The following MOXD1 variants were observed in gnomAD, a reference collection of about 807,000 sequenced individuals.
MOXD1 encodes the protein monooxygenase DBH like 1.
A neutral mutation model predicts 66.6 loss-of-function variants in MOXD1; 62 were observed. That is an observed-to-expected ratio of 0.93 (90% CI 0.76 to 1.15). The LOEUF is 1.15. Ranked by LOEUF, MOXD1 falls within the 50% of genes most tolerant of loss-of-function variation. The pLI is 0.00. For missense variants in MOXD1, 847 were observed against 754.6 expected, an observed-to-expected ratio of 1.12 and a Z score of -1.44; for synonymous variants, 303 against 281.9, an observed-to-expected ratio of 1.07 and a Z score of -0.75.
chr6:132,395,937 A>G (rs1776859435), intron 1 of MOXD1, among the ~76,000 whole-genome samples: 1 of 152,204 alleles, frequency 6.6e-6, no homozygotes, highest in South Asian at 2.1e-4. Context: ...ACTCCAACAC[A>G]GTAATAGGAA....
chr6:132,308,477 T>C (rs937459830), intron 10 of MOXD1, among the ~76,000 whole-genome samples: 2 of 152,068 alleles, frequency 1.3e-5, no homozygotes, highest in Non-Finnish European at 2.9e-5. Flanking sequence ...CTGAAACTAT[T>C]CCAAATAATT....
At chr6:132,303,819 G>A (rs887617041) in intron 10 of MOXD1, among the ~76,000 whole-genome samples, 3 of 91,058 alleles carry the variant, frequency 3.3e-5, no homozygotes, top group Non-Finnish European at 6.2e-5. Context: ...GTGTGTGTGT[G>A]TGTGTGTGTG....
At chr6:132,397,470 TGA>T (rs1484743509) in intron 1 of MOXD1, among the ~76,000 whole-genome samples, 1 of 152,158 alleles carries the variant, frequency 6.6e-6, no homozygotes, top group Non-Finnish European at 1.5e-5. Flanking sequence ...ACTTTCTCTC[TGA>T]GTCCCAGATT....
intron 1 of MOXD1, among the ~76,000 whole-genome samples, chr6:132,400,313 TGTAC>T (rs1776992853): frequency 6.6e-6 from 1 of 152,174 alleles, no homozygotes; most frequent in Non-Finnish European, 1.5e-5. Context: ...TAACAAAGCG[TGTAC>T]GTTCACCGCC....
intron 4 of MOXD1, among the ~76,000 whole-genome samples, chr6:132,367,607 A>T (rs978585393): frequency 6.6e-6 from 1 of 152,082 alleles, no homozygotes; most frequent in Non-Finnish European, 1.5e-5. Context: ...GGAGTTTTCA[A>T]TGAAAAGTCA....
chr6:132,377,257 T>A (rs190868907), intron 1 of MOXD1, among the ~76,000 whole-genome samples: 196 of 152,358 alleles, frequency 1.3e-3, no homozygotes, highest in Middle Eastern at 6.8e-3. Context: ...GATTTTCCCA[T>A]TTTTCATCAC....
At chr6:132,322,137 C>A (rs928986629) in intron 8 of MOXD1, among the ~76,000 whole-genome samples, 3 of 152,108 alleles carry the variant, frequency 2.0e-5, no homozygotes, top group East Asian at 1.9e-4. Context: ...GCATTATAAC[C>A]TTTTTAAAGC....
At chr6:132,396,684 A>C (rs1677375569) in intron 1 of MOXD1, among the ~76,000 whole-genome samples, 1 of 152,160 alleles carries the variant, frequency 6.6e-6, no homozygotes, top group Admixed American at 6.5e-5. Flanking sequence ...AAATGAAAAA[A>C]TAGACAAGTA....
At position 132,324,070 on chromosome 6, in the gene MOXD1, A is replaced by C. The variant is rs1775137697; in HGVS notation, c.974T>G (p.Leu325Ter). Residue 325 changes from leucine to a stop codon, truncating the protein, a stop_gained, in exon 7 of 12, where the codon TTA (leucine) becomes TGA (stop). Transcript: ENST00000367963. LOFTEE classifies it high-confidence loss of function. ...EGLIDNSGLRLFYTMDIRKYD... is the reference protein window; with the variant it reads ...EGLIDNSGLR ...TTTCCTTATATCCATTGTGTAAAAT[A>C]ACCTCAGTCCAGAATTATCTATTAA... The C allele has an allele frequency of 6.2e-7, 1 of 1,613,642 alleles. No individual in the cohort carries two copies. The highest frequency in any genetic ancestry group is 1.1e-5 in the South Asian group (1 of 91,024).
intron 4 of MOXD1, among the ~76,000 whole-genome samples, chr6:132,356,444 A>G (rs1775911748): frequency 6.6e-6 from 1 of 152,234 alleles, no homozygotes; most frequent in African/African-American, 2.4e-5. Flanking sequence ...CTAGTGTGTG[A>G]ATTTTATAAA....
chr6:132,303,702 T>TACACACACACAC (rs1392220169), intron 10 of MOXD1, among the ~76,000 whole-genome samples: 6 of 72,192 alleles, frequency 8.3e-5, no homozygotes, highest in Non-Finnish European at 1.2e-4. Flanking sequence ...GGGCTGACTG[T>TACACACACACAC]ATACATACAC....
At chr6:132,333,163 C>T (rs7741163) in intron 4 of MOXD1, among the ~76,000 whole-genome samples, 66,255 of 151,556 alleles carry the variant, frequency 0.44, 20,064 homozygotes, top group African/African-American at 0.84. Flanking sequence ...GGTGAAACCC[C>T]GTCTCTACTA....
At chr6:132,356,243 A>G (rs370469774) in intron 4 of MOXD1, among the ~76,000 whole-genome samples, 6 of 152,332 alleles carry the variant, frequency 3.9e-5, no homozygotes, top group Admixed American at 3.3e-4. Context: ...ATGTTTTAAA[A>G]AGAAATCGGT....
At chr6:132,377,723 G>A (rs1022592241) in intron 1 of MOXD1, among the ~76,000 whole-genome samples, 1 of 152,176 alleles carries the variant, frequency 6.6e-6, no homozygotes, top group African/African-American at 2.4e-5. Context: ...AGAAGCAGTT[G>A]TCTAAAAGAA....
intron 4 of MOXD1, among the ~76,000 whole-genome samples, chr6:132,358,767 A>G (rs1417141313): frequency 6.6e-6 from 1 of 152,214 alleles, no homozygotes; most frequent in Admixed American, 6.5e-5. Flanking sequence ...AGGTAATTTT[A>G]TAAAGACTAT....
chr6:132,309,212 C>G (rs1241865915), intron 10 of MOXD1, among the ~76,000 whole-genome samples: 1 of 152,086 alleles, frequency 6.6e-6, no homozygotes, highest in South Asian at 2.1e-4. Flanking sequence ...CACAAGCATT[C>G]CTTTACACCA....
chr6:132,353,289 T>C (rs560344024), intron 4 of MOXD1, among the ~76,000 whole-genome samples: 17 of 152,306 alleles, frequency 1.1e-4, no homozygotes, highest in African/African-American at 4.1e-4. Context: ...AGGTTCTGTT[T>C]TGATGTGTTT....
At chr6:132,336,893 G>T (rs1255921577) in intron 4 of MOXD1, among the ~76,000 whole-genome samples, 1 of 152,144 alleles carries the variant, frequency 6.6e-6, no homozygotes, top group Non-Finnish European at 1.5e-5. Context: ...AGGGAAGGGT[G>T]CCCAGCCTAT....
chr6:132,343,505 G>A (rs1418180278), intron 4 of MOXD1, among the ~76,000 whole-genome samples: 19 of 152,124 alleles, frequency 1.2e-4, no homozygotes, highest in Admixed American at 2.0e-4. Context: ...AACCCAGAAG[G>A]CAGAGGTTGC....
Sources: allele counts gnomAD v4.1 joint callset (sites outside exome capture counted in the v4.1 genomes callset), GRCh38; gene constraint gnomAD v4.1.1; transcripts MANE v1.5; gene names NCBI Gene and HGNC (gene_info 2026-07-23, HGNC 2026-07-21).